The following FCF1 variants were observed in gnomAD, a reference collection of about 807,000 sequenced individuals.
FCF1 encodes the protein FCF1 rRNA-processing protein.
A neutral mutation model predicts 32.5 loss-of-function variants in FCF1; 17 were observed. The observed-to-expected ratio is 0.52, with a 90% CI of 0.36 to 0.78. FCF1 has a LOEUF of 0.78. FCF1 is among the 30% of genes least tolerant of loss of function. The probability of loss-of-function intolerance (pLI) is 0.00; values close to 1 mark genes in which losing one functional copy is unlikely to be tolerated. For synonymous variants in FCF1, 84 were observed against 78.4 expected, an observed-to-expected ratio of 1.07 and a Z score of -0.38; for missense variants, 201 against 241.1, an observed-to-expected ratio of 0.83 and a Z score of 1.10.
At chr14:74,730,452 G>A (rs548790842) in intron 5 of FCF1, among the ~76,000 whole-genome samples, 10 of 152,138 alleles carry the variant, frequency 6.6e-5, no homozygotes, top group Admixed American at 3.3e-4. Context: ...GGTGGTTCAC[G>A]TCTGTAATCC....
rs2090721418 is a variant in FCF1 at position 74,737,983 on chromosome 14, C to A, written c.*3053C>A. On this transcript the variant is annotated 3_prime_UTR_variant, in exon 8 of 8. Coordinates refer to ENST00000341162, the MANE Select transcript of FCF1 (RefSeq NM_015962.5). ...TCCAGCCTGGGCAACAAGAGTGAAA[C>A]TCTGTCTCAAAAAAAAAAAAAAAAA... is the stretch of plus-strand genomic sequence containing the variant. 2 of 128,946 alleles carry A rather than the reference C, an allele frequency of 1.6e-5. No homozygotes were observed. The highest frequency in any genetic ancestry group is 6.5e-5 in the African/African-American group (2 of 30,808). The allele number at this position is 128,946 out of a possible 1,614,324, so 8.0% of individuals were successfully genotyped here.
At chr14:74,730,828 C>T (rs147033284) in intron 5 of FCF1, among the ~76,000 whole-genome samples, 1,548 of 151,992 alleles carry the variant, frequency 0.01, 36 homozygotes, top group African/African-American at 0.036. Flanking sequence ...GGTGAAACCC[C>T]GTCTCTCCTA....
At chr14:74,732,004 G>A (rs372371681) in intron 5 of FCF1, among the ~76,000 whole-genome samples, 32 of 152,234 alleles carry the variant, frequency 2.1e-4, no homozygotes, top group African/African-American at 7.7e-4. Context: ...GTAAAAGTCT[G>A]CCTCTACATT....
At chr14:74,723,541 A>C (rs1202328018) in intron 5 of FCF1, among the ~76,000 whole-genome samples, 197 bp downstream of exon 5, 2 of 152,098 alleles carry the variant, frequency 1.3e-5, no homozygotes, top group African/African-American at 4.8e-5. Flanking sequence ...TAGAAAATAC[A>C]GAGAATATCT....
chr14:74,725,480 CAAAAAAAAAAA>C lies in FCF1; in HGVS notation c.365+2155_365+2165del, dbSNP rs35508938. The stretch of plus-strand genomic sequence containing the variant: ...GGGCTACAAAGCAAGACCCTGTCTC[CAAAAAAAAAAA>C]AAAAAAAAAAAAAAAAAACTGGGTA... On this transcript the variant is annotated intron_variant, in intron 5 of 7. Transcript: ENST00000341162. 2.2e-4 allele frequency among the ~76,000 whole-genome samples: 9 copies of C among 40,002 alleles called. No homozygotes were observed. The East Asian group carries it at 6.1e-3, about 27-fold the overall frequency. The allele number at this position is 40,002 out of a possible 152,430, so 26.2% of individuals were successfully genotyped here. A position where few individuals can be genotyped will look rare whatever the true frequency, so the allele number is the denominator to read the frequency against.
intron 5 of FCF1, among the ~76,000 whole-genome samples, chr14:74,725,257 G>A (rs1303774737): frequency 2.6e-5 from 4 of 151,872 alleles, no homozygotes; most frequent in Middle Eastern, 3.2e-3. Flanking sequence ...TTGGGAGGCC[G>A]AGGCAGGCAG....
In FCF1 at chr14:74,735,495, A is replaced by G. The variant is rs1031604420; in HGVS notation, c.*565A>G. The G allele has an allele frequency of 6.6e-6, 1 of 152,586 alleles. No individual in the cohort carries two copies. The highest frequency in any genetic ancestry group is 2.4e-5 in the African/African-American group (1 of 41,420). 9.5% of individuals were successfully genotyped at this position (152,586 alleles called of 1,614,324 possible). A position where few individuals can be genotyped will look rare whatever the true frequency, so the allele number is the denominator to read the frequency against. Reference sequence around the variant, plus strand: ...TAAATTTCTTTTAATTGCTTTTCCAATGCAATAGCATGAATTATTATTCTG... The same window carrying G: ...TAAATTTCTTTTAATTGCTTTTCCAGTGCAATAGCATGAATTATTATTCTG... On this transcript the variant is annotated 3_prime_UTR_variant, in exon 8 of 8. Coordinates refer to ENST00000341162, the MANE Select transcript of FCF1 (RefSeq NM_015962.5).
Position 74,714,853 on chromosome 14 carries a change from T to TCCC in FCF1, c.72-19_72-18insCCC. On this transcript the variant is annotated intron_variant, in intron 2 of 7. Transcript: ENST00000341162. ...GGTTTTTCTTCTCCCTTGGATTTAA[T>TCCC]TTACCTTTTTCTTCCTAGTAAAGAA... The TCCC allele has an allele frequency of 6.5e-7, 1 of 1,549,828 alleles. No individual in the cohort carries two copies.
At chr14:74,731,544 T>C (rs2090637804) in intron 5 of FCF1, among the ~76,000 whole-genome samples, 1 of 152,170 alleles carries the variant, frequency 6.6e-6, no homozygotes, top group Non-Finnish European at 1.5e-5. Context: ...GTCATCACAC[T>C]CGTCAGCCTG....
At chr14:74,721,807 T>C (rs1231169471) in intron 4 of FCF1, among the ~76,000 whole-genome samples, 1 of 152,224 alleles carries the variant, frequency 6.6e-6, no homozygotes. Context: ...CAGTATCTTA[T>C]TAGGTATTTT....
chr14:74,735,160 G>C lies in FCF1; in HGVS notation c.*230G>C. On this transcript the variant is annotated 3_prime_UTR_variant, in exon 8 of 8. Transcript: ENST00000341162. ...TTTGTGGGGCCGCGGGGGTTGGGGG[G>C]AATCTGTGCAGGGGGAAGCATATTA... is the stretch of plus-strand genomic sequence containing the variant. The C allele has an allele frequency of 4.7e-5, 17 of 363,132 alleles. No individual in the cohort carries two copies. The highest frequency in any genetic ancestry group is 2.1e-4 in the East Asian group (4 of 19,182). The allele number at this position is 363,132 out of a possible 1,614,324, so 22.5% of individuals were successfully genotyped here.
intron 4 of FCF1, among the ~76,000 whole-genome samples, chr14:74,722,291 G>A (rs942832772): frequency 1.3e-5 from 2 of 151,656 alleles, no homozygotes; most frequent in Admixed American, 6.6e-5. Flanking sequence ...CAGGTGATCC[G>A]CCTGCCTCAG....
chr14:74,735,471 AAAT>A lies in FCF1; in HGVS notation c.*542_*544del, dbSNP rs2090694913. The A allele has an allele frequency of 6.6e-6, 1 of 152,488 alleles. No individual in the cohort carries two copies. Among genetic ancestry groups the A allele is most frequent in the Non-Finnish European group, 1.5e-5 (1 of 68,378 alleles). The allele number at this position is 152,488 out of a possible 1,614,324, so 9.4% of individuals were successfully genotyped here. On this transcript the variant is annotated 3_prime_UTR_variant, in exon 8 of 8. Coordinates refer to ENST00000341162, the MANE Select transcript of FCF1 (RefSeq NM_015962.5). Reference sequence around the variant, plus strand: ...ACTGAATTTCTGCTTACACATTTTTAAATTTCTTTTAATTGCTTTTCCAATGCA... The same window carrying A: ...ACTGAATTTCTGCTTACACATTTTTATTCTTTTAATTGCTTTTCCAATGCA...
intron 4 of FCF1, among the ~76,000 whole-genome samples, chr14:74,716,367 T>A (rs2090420376): frequency 1.3e-5 from 2 of 152,222 alleles, no homozygotes; most frequent in Admixed American, 1.3e-4. Context: ...GAATTTTCTG[T>A]TTTAGAATTC....
chr14:74,732,931 T>A, intron 6 of FCF1, 113 bp downstream of exon 6: 1 of 627,606 alleles, frequency 1.6e-6, no homozygotes, highest in Non-Finnish European at 2.7e-6. Flanking sequence ...TATGGTTAAA[T>A]TAAAAAAAAA....
At chr14:74,723,229 C>T (rs768920899) in intron 4 of FCF1, 43 bp from the exon 5 acceptor site, 14 of 1,395,546 alleles carry the variant, frequency 1.0e-5, no homozygotes, top group Middle Eastern at 1.8e-4. Flanking sequence ...GAGATAATTT[C>T]GTTACAAGTT....
chr14:74,736,434 G>A lies in FCF1; in HGVS notation c.*1504G>A, dbSNP rs571422778. On this transcript the variant is annotated 3_prime_UTR_variant, in exon 8 of 8. Coordinates refer to ENST00000341162, the MANE Select transcript of FCF1 (RefSeq NM_015962.5). ...CAAAAAAAAAAAAAAATTAATGATG[G>A]TCAAAGGGTATAAAATCTCAGACAG... 3.9e-5 allele frequency: 6 copies of A among 152,030 alleles called. No individual in the cohort carries two copies. The highest frequency in any genetic ancestry group is 1.4e-4 in the African/African-American group (6 of 41,472). The allele number at this position is 152,030 out of a possible 1,614,324, so 9.4% of individuals were successfully genotyped here.
chr14:74,713,755 A>C, intron 2 of FCF1: 1 of 601,856 alleles, frequency 1.7e-6, no homozygotes, highest in Admixed American at 3.1e-5. Flanking sequence ...AACATTTCTT[A>C]AGTGTTCACT....
In FCF1 at chr14:74,735,070, C is replaced by A; in HGVS notation, c.*140C>A. ...GGAGATATTTATTATTTAGGTGCAC[C>A]AGCCCAGTCAGATTAACATCCAAAG... On this transcript the variant is annotated 3_prime_UTR_variant, in exon 8 of 8. Coordinates refer to ENST00000341162, the MANE Select transcript of FCF1 (RefSeq NM_015962.5). 2.8e-6 allele frequency: 2 copies of A among 706,974 alleles called. No individual in the cohort carries two copies. Among genetic ancestry groups the A allele is most frequent in the Non-Finnish European group, 2.5e-6 (1 of 406,118 alleles). 43.8% of individuals were successfully genotyped at this position (706,974 alleles called of 1,614,324 possible). A position where few individuals can be genotyped will look rare whatever the true frequency, so the allele number is the denominator to read the frequency against.
Sources: allele counts gnomAD v4.1 joint callset (sites outside exome capture counted in the v4.1 genomes callset), GRCh38; gene constraint gnomAD v4.1.1; transcripts MANE v1.5; gene names NCBI Gene and HGNC (gene_info 2026-07-23, HGNC 2026-07-21).